The following MAGI2 variants were observed in gnomAD, a reference collection of about 807,000 sequenced individuals.
The protein encoded by MAGI2 is membrane associated guanylate kinase, WW and PDZ domain containing 2.
Under a neutral mutation model 133.3 loss-of-function variants are expected in MAGI2, and 35 were observed. That is an observed-to-expected ratio of 0.26 (90% CI 0.20 to 0.35). MAGI2 has a LOEUF of 0.35. Among genes scored for constraint, MAGI2 ranks in the 10% least tolerant of loss-of-function variants. The probability of loss-of-function intolerance (pLI) is 1.00; values close to 1 mark genes in which losing one functional copy is unlikely to be tolerated. For missense variants in MAGI2, 1,636 were observed against 1,863.4 expected, an observed-to-expected ratio of 0.88 and a Z score of 2.25; for synonymous variants, 729 against 710.6, an observed-to-expected ratio of 1.03 and a Z score of -0.41.
At chr7:78,328,558 C>G (rs1584894719) in intron 9 of MAGI2, among the ~76,000 whole-genome samples, 1 of 67,986 alleles carries the variant, frequency 1.5e-5, no homozygotes, top group South Asian at 4.0e-4. Context: ...TTACTTTATT[C>G]TCATTACTTT....
intron 1 of MAGI2, among the ~76,000 whole-genome samples, chr7:79,162,684 C>T (rs973113678): frequency 1.3e-5 from 2 of 152,020 alleles, no homozygotes; most frequent in Non-Finnish European, 2.9e-5. Context: ...GCAACAAAGC[C>T]TCCTGGGTAT....
Position 79,232,155 on chromosome 7 carries a change from G to C in MAGI2, c.301+220865C>G, listed in dbSNP as rs987662446. 7.4e-4 allele frequency among the ~76,000 whole-genome samples: 112 copies of C among 152,320 alleles called. 1 individual carries two copies. The highest frequency in any genetic ancestry group is 1.1e-3 in the Non-Finnish European group (73 of 68,040). ...CCAGGGATGAAGCCCACTTGATCAT[G>C]ATGGATAAGCTTTTTGATGTGCTGC... On this transcript the variant is annotated intron_variant, in intron 1 of 21. Coordinates refer to ENST00000354212, the MANE Select transcript of MAGI2 (RefSeq NM_012301.4).
chr7:78,427,922 A>G (rs1350729422), intron 6 of MAGI2, among the ~76,000 whole-genome samples: 2 of 152,098 alleles, frequency 1.3e-5, no homozygotes, highest in African/African-American at 4.8e-5. Context: ...CCAAAAGACA[A>G]CCATGTAGTA....
intron 16 of MAGI2, among the ~76,000 whole-genome samples, chr7:78,138,625 TCACACACACACACACACA>T (rs202115434): frequency 5.9e-4 from 76 of 129,504 alleles, no homozygotes; most frequent in South Asian, 2.0e-3. Flanking sequence ...AAACATAGAT[TCACACACACACACACACA>T]CACACACACA....
intron 1 of MAGI2, among the ~76,000 whole-genome samples, chr7:79,131,908 GCT>G (rs1484358337): frequency 6.6e-6 from 1 of 151,968 alleles, no homozygotes; most frequent in East Asian, 1.9e-4. Flanking sequence ...GGTCTCTAGT[GCT>G]CTCTTAAATT....
chr7:78,729,442 G>T (rs1023763951), intron 2 of MAGI2, among the ~76,000 whole-genome samples: 2 of 152,268 alleles, frequency 1.3e-5, no homozygotes, highest in Middle Eastern at 3.4e-3. Flanking sequence ...ATAGCAAAAA[G>T]AATTCCAGAA....
At chr7:78,130,481 C>G (rs1289576783) in intron 18 of MAGI2, among the ~76,000 whole-genome samples, 1 of 152,190 alleles carries the variant, frequency 6.6e-6, no homozygotes, top group Non-Finnish European at 1.5e-5. Context: ...AGAGACATCT[C>G]CAGCCTGATC....
intron 1 of MAGI2, among the ~76,000 whole-genome samples, chr7:79,326,392 T>C (rs1441487175): frequency 3.3e-5 from 5 of 152,164 alleles, no homozygotes; most frequent in African/African-American, 7.2e-5. Context: ...GGTTACACTA[T>C]GATATTATTA....
At chr7:78,023,528 TA>T (rs1248544047) in intron 21 of MAGI2, among the ~76,000 whole-genome samples, 1 of 152,132 alleles carries the variant, frequency 6.6e-6, no homozygotes, top group Non-Finnish European at 1.5e-5. Flanking sequence ...CAATTAGAAA[TA>T]ATAGAGACCC....
At chr7:78,830,407 A>C (rs1197158870) in intron 2 of MAGI2, among the ~76,000 whole-genome samples, 2 of 152,102 alleles carry the variant, frequency 1.3e-5, no homozygotes, top group African/African-American at 4.8e-5. Flanking sequence ...ATGATTCATT[A>C]TGTAATATAT....
At chr7:79,442,266 G>T (rs781690988) in intron 1 of MAGI2, among the ~76,000 whole-genome samples, 1 of 152,076 alleles carries the variant, frequency 6.6e-6, no homozygotes, top group Admixed American at 6.6e-5. Flanking sequence ...AGTTAATAAG[G>T]GTTAAAAATA....
intron 1 of MAGI2, among the ~76,000 whole-genome samples, chr7:79,368,876 A>T (rs905825368): frequency 5.4e-5 from 8 of 147,278 alleles, no homozygotes; most frequent in African/African-American, 2.0e-4. Context: ...AAAAAAAAAA[A>T]GTCTATTGTA....
intron 2 of MAGI2, among the ~76,000 whole-genome samples, chr7:78,947,754 T>C (rs1048968816): frequency 6.6e-6 from 1 of 152,128 alleles, no homozygotes; most frequent in Non-Finnish European, 1.5e-5. Flanking sequence ...TAGCTTGGGA[T>C]AAAATAAACC....
At chr7:78,492,287 T>C (rs1793695620) in intron 5 of MAGI2, among the ~76,000 whole-genome samples, 1 of 152,120 alleles carries the variant, frequency 6.6e-6, no homozygotes, top group Non-Finnish European at 1.5e-5. Flanking sequence ...GTCACTTTAA[T>C]ACATTTTGAC....
At chr7:79,334,566 C>T (rs1316419469) in intron 1 of MAGI2, among the ~76,000 whole-genome samples, 1 of 152,068 alleles carries the variant, frequency 6.6e-6, no homozygotes, top group Non-Finnish European at 1.5e-5. Context: ...TCAGGTGATC[C>T]TCTACTTAAA....
intron 2 of MAGI2, among the ~76,000 whole-genome samples, chr7:78,659,645 G>C (rs907358358): frequency 6.6e-6 from 1 of 152,036 alleles, no homozygotes; most frequent in African/African-American, 2.4e-5. Context: ...GAGGATGCAG[G>C]TGGTAGGGAA....
At chr7:79,287,794 A>G (rs1383680762) in intron 1 of MAGI2, among the ~76,000 whole-genome samples, 2 of 152,144 alleles carry the variant, frequency 1.3e-5, no homozygotes, top group African/African-American at 4.8e-5. Context: ...CAAATAACTA[A>G]TAGATTACCA....
intron 2 of MAGI2, among the ~76,000 whole-genome samples, chr7:78,877,134 G>T (rs532272278): frequency 2.0e-5 from 3 of 152,126 alleles, no homozygotes; most frequent in African/African-American, 4.8e-5. Context: ...TGTTATAAAC[G>T]TCACCTTAGA....
intron 10 of MAGI2, among the ~76,000 whole-genome samples, chr7:78,230,790 C>T (rs1480383009): frequency 2.0e-5 from 3 of 152,190 alleles, no homozygotes; most frequent in Admixed American, 2.0e-4. Context: ...GTGTGACTTC[C>T]TTCCATGTGA....
Sources: allele counts gnomAD v4.1 joint callset (sites outside exome capture counted in the v4.1 genomes callset), GRCh38; gene constraint gnomAD v4.1.1; transcripts MANE v1.5; gene names NCBI Gene and HGNC (gene_info 2026-07-23, HGNC 2026-07-21).